The following ABHD5 variants were observed in gnomAD, a reference collection of about 807,000 sequenced individuals.
The protein encoded by ABHD5 is 1-acylglycerol-3-phosphate O-acyltransferase ABHD5.
ABHD5 carries 30 observed loss-of-function variants against 44.9 expected under a neutral mutation model. That is an observed-to-expected ratio of 0.67 (90% CI 0.50 to 0.91). The LOEUF is 0.91. Ranked by LOEUF, ABHD5 falls within the 40% of genes least tolerant of loss-of-function variation. The pLI is 0.00. For missense variants in ABHD5, 399 were observed against 423.4 expected (o/e 0.94, Z 0.50); for synonymous variants, 167 against 147.0 (o/e 1.14, Z -0.99).
At chr3:43,691,266 G>A in intron 1 of ABHD5, 1 of 386,684 alleles carries the variant, frequency 2.6e-6, no homozygotes, top group Non-Finnish European at 4.5e-6. Flanking sequence ...TGTCTGAGCC[G>A]GACTCCGGCC....
downstream of ABHD5, among the ~76,000 whole-genome samples, chr3:43,725,696 A>G (rs1169000625): frequency 1.3e-5 from 2 of 152,174 alleles, no homozygotes; most frequent in Non-Finnish European, 2.9e-5. Flanking sequence ...GGTTTGCCAC[A>G]TTGTATGATT....
chr3:43,704,948 A>G (rs548704879), intron 3 of ABHD5, among the ~76,000 whole-genome samples: 1 of 152,320 alleles, frequency 6.6e-6, no homozygotes, highest in East Asian at 1.9e-4. Flanking sequence ...TACAGAGTGT[A>G]TTGAATATTC....
exon 8 of ABHD5, chr3:43,734,234 A>G (rs1029569554): frequency 6.6e-6 from 1 of 152,162 alleles, no homozygotes; most frequent in African/African-American, 2.4e-5. Context: ...CCTGCAGCCG[A>G]TGATTGACTG....
chr3:43,695,570 T>G (rs967453873), intron 1 of ABHD5, among the ~76,000 whole-genome samples: 17 of 152,218 alleles, frequency 1.1e-4, no homozygotes, highest in African/African-American at 3.9e-4. Context: ...CTGGCCAGAT[T>G]TCTGCATATT....
chr3:43,730,028 G>T (rs1263253947), intron 7 of ABHD5, among the ~76,000 whole-genome samples: 1 of 152,196 alleles, frequency 6.6e-6, no homozygotes, highest in African/African-American at 2.4e-5. Flanking sequence ...GAAATACTTA[G>T]AAGCTGGTGA....
intron 2 of ABHD5, chr3:43,701,977 C>A: frequency 2.2e-6 from 1 of 449,142 alleles, no homozygotes; most frequent in South Asian, 3.4e-5. Context: ...TGCCAAAGAC[C>A]TTGATCACAG....
intron 3 of ABHD5, among the ~76,000 whole-genome samples, chr3:43,704,315 A>C (rs1264942898): frequency 6.6e-6 from 1 of 152,160 alleles, no homozygotes; most frequent in Non-Finnish European, 1.5e-5. Flanking sequence ...TTGGGATTAC[A>C]GGCATGAGCC....
downstream of ABHD5, among the ~76,000 whole-genome samples, chr3:43,725,605 T>G (rs2084871943): frequency 6.6e-6 from 1 of 152,176 alleles, no homozygotes; most frequent in Non-Finnish European, 1.5e-5. Flanking sequence ...CCATCCTACT[T>G]TTTAAAAAAT....
chr3:43,698,044 A>G (rs879637237), intron 1 of ABHD5, among the ~76,000 whole-genome samples: 4 of 152,224 alleles, frequency 2.6e-5, no homozygotes, highest in East Asian at 1.9e-4. Context: ...GATAAATTCT[A>G]CAGGGAAGGG....
intron 3 of ABHD5, among the ~76,000 whole-genome samples, chr3:43,705,022 A>T (rs927856682): frequency 6.6e-6 from 1 of 152,288 alleles, no homozygotes; most frequent in Admixed American, 6.5e-5. Context: ...CAAAATAATG[A>T]TGTTTTCTGG....
chr3:43,691,418 C>T, intron 1 of ABHD5: 1 of 170,272 alleles, frequency 5.9e-6, no homozygotes, highest in Non-Finnish European at 1.2e-5. Flanking sequence ...CCAATGCCGC[C>T]GGCGGGCGGT....
At chr3:43,704,165 G>T (rs1231480757) in intron 3 of ABHD5, among the ~76,000 whole-genome samples, 1 of 148,948 alleles carries the variant, frequency 6.7e-6, no homozygotes, top group African/African-American at 2.5e-5. Context: ...TCAGCCTCCC[G>T]AGTAGTTGGG....
rs2084807346 is a variant in ABHD5 at position 43,719,403 on chromosome 3, A to G, written c.*871A>G. On this transcript the variant is annotated 3_prime_UTR_variant, in exon 7 of 7. Transcript: ENST00000644371. ...CTCTTAAGGGGATATTAAGACTGTTACTTCCTAGTAAGCCAAGTAATACCA... is the reference window on the plus strand; with the variant it reads ...CTCTTAAGGGGATATTAAGACTGTTGCTTCCTAGTAAGCCAAGTAATACCA... 6.6e-6 allele frequency: 1 copy of G among 152,204 alleles called. No homozygotes were observed. The highest frequency in any genetic ancestry group is 2.4e-5 in the African/African-American group (1 of 41,460). 9.4% of individuals were successfully genotyped at this position (152,204 alleles called of 1,614,324 possible).
In ABHD5 at chr3:43,711,856, A is replaced by G; in HGVS notation, c.654A>G (p.Gly218=). 6.2e-7 allele frequency: 1 copy of G among 1,614,158 alleles called. No homozygotes were observed. The highest frequency in any genetic ancestry group is 8.5e-7 in the Non-Finnish European group (1 of 1,180,020). ...FNPLAGLRIA[G]PFGLSLVQRL... is the part of the protein sequence containing the mutation. ...CTTTAGCTGGCCTAAGGATTGCAGG[A>G]CCCTTTGGTGAGTGCTTATGTTCTA... is the stretch of plus-strand genomic sequence containing the variant. The change falls in exon 4 of 7, where the codon GGA becomes GGG. Residue 218 remains glycine (G), a synonymous_variant. Coordinates refer to ENST00000644371, the MANE Select transcript of ABHD5 (RefSeq NM_016006.6).
At chr3:43,708,396 A>G (rs901791869) in intron 3 of ABHD5, among the ~76,000 whole-genome samples, 4 of 152,228 alleles carry the variant, frequency 2.6e-5, no homozygotes, top group African/African-American at 9.6e-5. Context: ...AAAACCCAGT[A>G]ACTCCTATCA....
intron 2 of ABHD5, chr3:43,702,010 T>C: frequency 1.9e-6 from 1 of 528,090 alleles, no homozygotes; most frequent in Non-Finnish European, 3.3e-6. Context: ...TTGTCTGAGG[T>C]AGGTCTTCCC....
chr3:43,705,848 A>C (rs2084611591), intron 3 of ABHD5, among the ~76,000 whole-genome samples: 1 of 152,122 alleles, frequency 6.6e-6, no homozygotes, highest in East Asian at 1.9e-4. Flanking sequence ...TTATATTACT[A>C]ATAATGTTGC....
rs115494625 is a variant in ABHD5, at chr3:43,716,154, A to C, written c.773+1096A>C. 2.9e-3 allele frequency among the ~76,000 whole-genome samples: 441 copies of C among 152,298 alleles called. 1 individual carries two copies. Among genetic ancestry groups the C allele is most frequent in the African/African-American group, 0.01 (422 of 41,566 alleles). On this transcript the variant is annotated intron_variant, in intron 5 of 6. Coordinates refer to ENST00000644371, the MANE Select transcript of ABHD5 (RefSeq NM_016006.6). ...CTGAAGATAGTGGGGGGCTAGGAGG[A>C]GGCCGAATGATAAGGCCCTAGAGTT... is the stretch of plus-strand genomic sequence containing the variant.
intron 7 of ABHD5, among the ~76,000 whole-genome samples, chr3:43,728,079 C>G (rs2084889786): frequency 6.6e-6 from 1 of 152,166 alleles, no homozygotes; most frequent in Non-Finnish European, 1.5e-5. Context: ...CTCTGCCCAC[C>G]AGTGGCTCCA....
Sources: gnomAD v4.1 joint callset for allele counts (sites outside exome capture counted in the v4.1 genomes callset) on GRCh38, gnomAD v4.1.1 for gene constraint, MANE v1.5 for transcripts, NCBI Gene and HGNC (gene_info 2026-07-23, HGNC 2026-07-21) for gene names.